Variants in MKLN1 observed in about 807,000 individuals in gnomAD.
MKLN1 encodes the protein muskelin.
In MKLN1, 18 loss-of-function variants were observed where a neutral mutation model predicts 99.0. The observed-to-expected ratio is 0.18, with a 90% CI of 0.13 to 0.27. MKLN1 has a LOEUF of 0.27. Ranked by LOEUF, MKLN1 falls within the 10% of genes least tolerant of loss-of-function variation. The pLI is 1.00. For synonymous variants in MKLN1, 288 were observed against 293.2 expected (o/e 0.98, Z 0.18); for missense variants, 621 against 875.9 (o/e 0.71, Z 3.67).
At chr7:131,349,944 A>C (rs530544501) in intron 1 of MKLN1, among the ~76,000 whole-genome samples, 1 of 152,168 alleles carries the variant, frequency 6.6e-6, no homozygotes, top group East Asian at 1.9e-4. Flanking sequence ...AGTGTTTTGA[A>C]TCCTTAGAGA....
chr7:131,180,061 G>C (rs1418950296), intron 2 of MKLN1, among the ~76,000 whole-genome samples: 6 of 152,124 alleles, frequency 3.9e-5, no homozygotes, highest in Admixed American at 3.9e-4. Flanking sequence ...CCAGCCAAAA[G>C]AATTTTTATA....
intron 2 of MKLN1, among the ~76,000 whole-genome samples, chr7:131,154,371 C>A (rs958597313): frequency 6.6e-6 from 1 of 152,262 alleles, no homozygotes; most frequent in East Asian, 1.9e-4. Flanking sequence ...TGTGAGCCAC[C>A]GCCCCGGCCT....
chr7:131,292,393 A>T (rs951884648), intron 3 of MKLN1, among the ~76,000 whole-genome samples: 1 of 152,222 alleles, frequency 6.6e-6, no homozygotes, highest in African/African-American at 2.4e-5. Flanking sequence ...AGGTTAATGG[A>T]TATTAGGGCT....
At chr7:131,237,483 G>C (rs939454994) in intron 3 of MKLN1, among the ~76,000 whole-genome samples, 1 of 152,200 alleles carries the variant, frequency 6.6e-6, no homozygotes, top group African/African-American at 2.4e-5. Flanking sequence ...ATGTACGTTA[G>C]AGCCAGAGGA....
At chr7:131,215,986 G>C (rs1244968064) in intron 3 of MKLN1, among the ~76,000 whole-genome samples, 4 of 152,162 alleles carry the variant, frequency 2.6e-5, no homozygotes, top group African/African-American at 9.7e-5. Context: ...GTCACTGTTA[G>C]TTCCCTTTAA....
At chr7:131,192,564 T>C (rs1484435742) in intron 2 of MKLN1, among the ~76,000 whole-genome samples, 3 of 147,910 alleles carry the variant, frequency 2.0e-5, no homozygotes, top group Non-Finnish European at 4.5e-5. Flanking sequence ...TTTTTTGAGA[T>C]GGAGTCTCAC....
chr7:131,249,554 A>C (rs1293852076), intron 3 of MKLN1, among the ~76,000 whole-genome samples: 1 of 152,180 alleles, frequency 6.6e-6, no homozygotes, highest in African/African-American at 2.4e-5. Context: ...CCTTGTTCTC[A>C]AGGAACTGAC....
intron 1 of MKLN1, among the ~76,000 whole-genome samples, chr7:131,350,744 T>A (rs989419585): frequency 2.0e-5 from 3 of 152,188 alleles, no homozygotes; most frequent in African/African-American, 7.2e-5. Flanking sequence ...TGATGTCCCA[T>A]CACCTTTGCC....
intron 3 of MKLN1, among the ~76,000 whole-genome samples, chr7:131,298,851 G>A (rs1422418787): frequency 1.3e-5 from 2 of 152,122 alleles, no homozygotes; most frequent in Non-Finnish European, 2.9e-5. Context: ...ATTTAGAAAC[G>A]AGGGTCAACT....
intron 1 of MKLN1, among the ~76,000 whole-genome samples, chr7:131,361,575 T>A (rs1800029135): frequency 1.3e-5 from 2 of 151,730 alleles, no homozygotes; most frequent in Admixed American, 1.3e-4. Flanking sequence ...TCCAGTTTTT[T>A]GTTTCTTTTT....
chr7:131,471,551 T>C (rs1372777759), intron 16 of MKLN1: 2 of 152,338 alleles, frequency 1.3e-5, no homozygotes, highest in Non-Finnish European at 2.9e-5. Flanking sequence ...TTCTGAAGAT[T>C]TCATATCCTT....
chr7:131,156,777 T>C (rs1795975661), intron 2 of MKLN1, among the ~76,000 whole-genome samples: 1 of 152,212 alleles, frequency 6.6e-6, no homozygotes, highest in African/African-American at 2.4e-5. Context: ...AACCCCATTG[T>C]AAGTTGAGGA....
chr7:131,242,997 T>C, intron 3 of MKLN1: 2 of 606,518 alleles, frequency 3.3e-6, no homozygotes, highest in South Asian at 1.4e-5. Context: ...GAAGCTGCGG[T>C]TTTAGATGCT....
chr7:131,137,196 C>T (rs1369846535), intron 1 of MKLN1, among the ~76,000 whole-genome samples: 1 of 152,098 alleles, frequency 6.6e-6, no homozygotes, highest in Non-Finnish European at 1.5e-5. Context: ...AGCGCCTGTA[C>T]AGTTTGAGCA....
At chr7:131,367,498 G>A (rs192267162) in intron 1 of MKLN1, among the ~76,000 whole-genome samples, 16 of 152,236 alleles carry the variant, frequency 1.1e-4, no homozygotes, top group African/African-American at 3.6e-4. Flanking sequence ...GAAGAGTGTT[G>A]TGGTCACAAT....
chr7:131,403,421 A>G (rs1298703262), intron 6 of MKLN1, among the ~76,000 whole-genome samples: 1 of 152,208 alleles, frequency 6.6e-6, no homozygotes, highest in Non-Finnish European at 1.5e-5. Flanking sequence ...AACTTTCTCC[A>G]TATTAACAAT....
At chr7:131,180,473 C>T (rs1279656380) in intron 2 of MKLN1, among the ~76,000 whole-genome samples, 7 of 151,932 alleles carry the variant, frequency 4.6e-5, no homozygotes, top group African/African-American at 9.7e-5. Context: ...CCGAGGCGGG[C>T]GGATCACCTG....
At chr7:131,246,051 A>T (rs570804331) in intron 3 of MKLN1, among the ~76,000 whole-genome samples, 36 of 152,194 alleles carry the variant, frequency 2.4e-4, no homozygotes, top group Non-Finnish European at 4.9e-4. Context: ...CTTGTTCTGG[A>T]CACCTGGGGA....
In MKLN1 at chr7:131,446,592, T is replaced by C. The variant is rs568756713; in HGVS notation, c.1525+689T>C. 1.4e-4 allele frequency among the ~76,000 whole-genome samples: 21 copies of C among 152,372 alleles called. No homozygotes were observed. The South Asian group carries it at 3.9e-3, about 29-fold the overall frequency. On this transcript the variant is annotated intron_variant, in intron 12 of 17. Transcript: ENST00000352689. ...TTCTTTTTAGCTGTTGCTTATAGATTGGTGTTTTTATTATTGGCTCTTTTG... is the reference window on the plus strand; with the variant it reads ...TTCTTTTTAGCTGTTGCTTATAGATCGGTGTTTTTATTATTGGCTCTTTTG...
Sources: allele counts gnomAD v4.1 joint callset (sites outside exome capture counted in the v4.1 genomes callset), GRCh38; gene constraint gnomAD v4.1.1; transcripts MANE v1.5; gene names NCBI Gene and HGNC (gene_info 2026-07-23, HGNC 2026-07-21).